Variants in MYRIP observed in about 807,000 individuals in gnomAD.
The protein encoded by MYRIP is myosin VIIA and Rab interacting protein.
In MYRIP, 49 loss-of-function variants were observed where a neutral mutation model predicts 98.0. That is an observed-to-expected ratio of 0.50 (90% confidence interval 0.40 to 0.63). MYRIP has a LOEUF of 0.63. Among genes scored for constraint, MYRIP ranks in the 30% least tolerant of loss-of-function variants. The pLI is 0.00. For missense variants in MYRIP, 1,004 were observed against 1,058.2 expected (o/e 0.95, Z 0.71); for synonymous variants, 404 against 409.5 (o/e 0.99, Z 0.16).
chr3:40,078,338 G>A, intron 3 of MYRIP, among the ~76,000 whole-genome samples: 1 of 152,192 alleles, frequency 6.6e-6, no homozygotes, highest in Non-Finnish European at 1.5e-5. Context: ...GCCGGCTCTG[G>A]CCTTGGCCAG....
chr3:39,969,032 A>T (rs1283782930), intron 2 of MYRIP, among the ~76,000 whole-genome samples: 2 of 151,810 alleles, frequency 1.3e-5, no homozygotes, highest in African/African-American at 4.8e-5. Context: ...CATTGTAGAG[A>T]TCTTTCACCT....
intron 2 of MYRIP, among the ~76,000 whole-genome samples, chr3:39,913,932 G>T (rs1944088064): frequency 6.6e-6 from 1 of 152,196 alleles, no homozygotes; most frequent in Non-Finnish European, 1.5e-5. Context: ...TCTATCAGCA[G>T]ATTAGCTTCT....
intron 1 of MYRIP, among the ~76,000 whole-genome samples, chr3:39,890,868 G>A (rs888698567): frequency 6.6e-6 from 1 of 152,076 alleles, no homozygotes; most frequent in Non-Finnish European, 1.5e-5. Context: ...AATGCTTCCT[G>A]TTTCAAACAA....
intron 1 of MYRIP, among the ~76,000 whole-genome samples, chr3:39,842,789 C>T (rs573069112): frequency 1.3e-5 from 2 of 152,154 alleles, no homozygotes; most frequent in Non-Finnish European, 2.9e-5. Flanking sequence ...GTGGGCTGCA[C>T]CCACTGTCTA....
chr3:40,115,396 G>C (rs1052196156), intron 3 of MYRIP, among the ~76,000 whole-genome samples: 2 of 152,182 alleles, frequency 1.3e-5, no homozygotes, highest in African/African-American at 2.4e-5. Context: ...ATGGTGGAAG[G>C]CACCTTTCAC....
intron 11 of MYRIP, among the ~76,000 whole-genome samples, chr3:40,216,466 G>A (rs186147957): frequency 6.6e-6 from 1 of 152,146 alleles, no homozygotes; most frequent in Admixed American, 6.6e-5. Flanking sequence ...GGAAAAACAT[G>A]TACACCCGTT....
chr3:40,050,626 G>T (rs879265632), intron 3 of MYRIP, among the ~76,000 whole-genome samples: 1 of 152,068 alleles, frequency 6.6e-6, no homozygotes, highest in Non-Finnish European at 1.5e-5. Context: ...TGACTTTTAA[G>T]TCTTATTTCA....
chr3:40,158,438 G>T (rs1397830432), intron 4 of MYRIP, among the ~76,000 whole-genome samples: 4 of 152,076 alleles, frequency 2.6e-5, no homozygotes, highest in Admixed American at 1.3e-4. Flanking sequence ...TTTTGGAATA[G>T]GTGTGGTGTG....
In MYRIP at chr3:39,996,481, A is replaced by G. The variant is rs546420028; in HGVS notation, c.111-47569A>G. 7.6e-4 allele frequency among the ~76,000 whole-genome samples: 116 copies of G among 152,372 alleles called. 1 individual carries two copies. Among genetic ancestry groups the G allele is most frequent in the African/African-American group, 2.7e-3 (113 of 41,582 alleles). On this transcript the variant is annotated intron_variant, in intron 2 of 16. Transcript: ENST00000302541. ...AGAGATCAATTCAACAAAAAGAGCTAAGTGTCCTAAATATATATGCACCCA... is the reference window on the plus strand; with the variant it reads ...AGAGATCAATTCAACAAAAAGAGCTGAGTGTCCTAAATATATATGCACCCA...
At chr3:40,196,103 GCT>G (rs1951384269) in intron 10 of MYRIP, among the ~76,000 whole-genome samples, 1 of 150,922 alleles carries the variant, frequency 6.6e-6, no homozygotes, top group Non-Finnish European at 1.5e-5. Context: ...TCTCTCTCTT[GCT>G]CTCATTCTCA....
chr3:40,182,716 A>G (rs1015279672), intron 9 of MYRIP, among the ~76,000 whole-genome samples: 1 of 152,172 alleles, frequency 6.6e-6, no homozygotes, highest in African/African-American at 2.4e-5. Flanking sequence ...TGCCTGTTCT[A>G]TGTGGACTAG....
At chr3:40,055,146 G>C (rs899625351) in intron 3 of MYRIP, among the ~76,000 whole-genome samples, 2 of 152,108 alleles carry the variant, frequency 1.3e-5, no homozygotes, top group African/African-American at 4.8e-5. Flanking sequence ...CCAGTCTTGA[G>C]GCCTTTAGGC....
chr3:40,237,963 C>A (rs371292176), intron 12 of MYRIP, among the ~76,000 whole-genome samples: 1 of 152,186 alleles, frequency 6.6e-6, no homozygotes, highest in Non-Finnish European at 1.5e-5. Flanking sequence ...CTTGTAAGAT[C>A]CTTTAATTGT....
intron 1 of MYRIP, among the ~76,000 whole-genome samples, chr3:39,897,130 AGT>A (rs1654477509): frequency 6.6e-6 from 1 of 152,208 alleles, no homozygotes; most frequent in African/African-American, 2.4e-5. Flanking sequence ...GCTTTGACTT[AGT>A]GTAGAGTTTA....
intron 1 of MYRIP, among the ~76,000 whole-genome samples, chr3:39,884,693 C>A (rs573750957): frequency 1.3e-5 from 2 of 151,976 alleles, no homozygotes; most frequent in African/African-American, 4.8e-5. Context: ...TGTACTTAAC[C>A]CTTTAAATAT....
At chr3:40,084,888 G>A (rs1022160368) in intron 3 of MYRIP, among the ~76,000 whole-genome samples, 13 of 111,452 alleles carry the variant, frequency 1.2e-4, no homozygotes, top group African/African-American at 3.4e-4. Context: ...GTTACATGTC[G>A]ATAGATAATA....
chr3:40,094,033 G>A (rs542663247), intron 3 of MYRIP, among the ~76,000 whole-genome samples: 5 of 152,054 alleles, frequency 3.3e-5, no homozygotes, highest in African/African-American at 9.6e-5. Flanking sequence ...TCCTCTGCCT[G>A]GAAAGTTTCC....
intron 2 of MYRIP, among the ~76,000 whole-genome samples, chr3:39,945,309 C>CA (rs57600928): frequency 0.011 from 455 of 42,964 alleles, 48 homozygotes; most frequent in Non-Finnish European, 0.017. Flanking sequence ...ATCTCTACTA[C>CA]AAAAAAAAAA....
chr3:39,902,485 T>C (rs909379411), intron 2 of MYRIP, among the ~76,000 whole-genome samples: 47 of 152,320 alleles, frequency 3.1e-4, no homozygotes, highest in African/African-American at 1.1e-3. Context: ...GAAAGAACCA[T>C]GTCTTGATCA....
Sources: gnomAD v4.1 joint callset for allele counts (sites outside exome capture counted in the v4.1 genomes callset) on GRCh38, gnomAD v4.1.1 for gene constraint, MANE v1.5 for transcripts, NCBI Gene and HGNC (gene_info 2026-07-23, HGNC 2026-07-21) for gene names.